Variants in AKR1C8 observed in about 807,000 individuals in gnomAD.
AKR1C8 encodes the protein aldo-keto reductase family 1 member C8.
the AKR1C8 span, among the ~76,000 whole-genome samples, chr10:5,133,048 CAAG>C: frequency 1.3e-5 from 2 of 152,074 alleles, no homozygotes; most frequent in African/African-American, 4.8e-5. Flanking sequence ...GACAAATTAA[CAAG>C]ACTCAAATTA....
chr10:5,166,626 C>A, the AKR1C8 span, among the ~76,000 whole-genome samples: 1 of 152,116 alleles, frequency 6.6e-6, no homozygotes, highest in African/African-American at 2.4e-5. Context: ...ACACCTTATA[C>A]AAAAATTAAT....
the AKR1C8 span, among the ~76,000 whole-genome samples, chr10:5,156,268 C>T: frequency 6.6e-6 from 1 of 152,054 alleles, no homozygotes; most frequent in Non-Finnish European, 1.5e-5. Flanking sequence ...CTCAGGACCC[C>T]TAAATACTAT....
the AKR1C8 span, among the ~76,000 whole-genome samples, chr10:5,178,368 T>C: frequency 6.6e-6 from 1 of 152,230 alleles, no homozygotes. Context: ...TTTCTGTTCT[T>C]TTACATTTGC....
chr10:5,145,963 G>C, the AKR1C8 span, among the ~76,000 whole-genome samples: 1 of 151,912 alleles, frequency 6.6e-6, no homozygotes, highest in Admixed American at 6.6e-5. Flanking sequence ...GTCCAACAAT[G>C]ATAGACTGGA....
At chr10:5,155,907 C>T in the AKR1C8 span, 427 of 348,006 alleles carry the variant, frequency 1.2e-3, 2 homozygotes, top group South Asian at 4.3e-3. Context: ...TGGCTTGAGA[C>T]GTCTTCCACC....
At chr10:5,159,505 A>T in the AKR1C8 span, among the ~76,000 whole-genome samples, 28 of 151,920 alleles carry the variant, frequency 1.8e-4, no homozygotes, top group African/African-American at 6.8e-4. Context: ...TCTCCTGTGG[A>T]TCTTCCTACC....
chr10:5,180,481 T>C, the AKR1C8 span, among the ~76,000 whole-genome samples: 2 of 150,382 alleles, frequency 1.3e-5, 1 homozygote, highest in South Asian at 4.1e-4. Context: ...AGCTGCATGC[T>C]GGGAGAACCA....
At chr10:5,163,778 C>T in the AKR1C8 span, among the ~76,000 whole-genome samples, 1 of 152,146 alleles carries the variant, frequency 6.6e-6, no homozygotes. Flanking sequence ...ACACATTTGT[C>T]CTTTATGCCT....
chr10:5,167,644 G>A, the AKR1C8 span, among the ~76,000 whole-genome samples: 1 of 152,156 alleles, frequency 6.6e-6, no homozygotes, highest in Non-Finnish European at 1.5e-5. Flanking sequence ...TGAGGGGAGT[G>A]GGGAGGGATA....
chr10:5,175,239 C>A, the AKR1C8 span, among the ~76,000 whole-genome samples: 2 of 149,942 alleles, frequency 1.3e-5, no homozygotes, highest in African/African-American at 4.9e-5. Context: ...GGTTTTTTGT[C>A]CTTGCGATAG....
the AKR1C8 span, among the ~76,000 whole-genome samples, chr10:5,125,751 T>C: frequency 1.3e-5 from 2 of 152,202 alleles, no homozygotes; most frequent in African/African-American, 4.8e-5. Context: ...ACAGAGTCTA[T>C]GTCACTTCCT....
chr10:5,146,374 A>G, the AKR1C8 span, among the ~76,000 whole-genome samples: 3 of 152,176 alleles, frequency 2.0e-5, no homozygotes, highest in Admixed American at 6.5e-5. Context: ...AAATTATTCA[A>G]TAAAATAATG....
At chr10:5,180,892 C>T in the AKR1C8 span, among the ~76,000 whole-genome samples, 2 of 152,206 alleles carry the variant, frequency 1.3e-5, no homozygotes, top group African/African-American at 4.8e-5. Context: ...CGTCTGTCAC[C>T]CTTTTCTTTG....
At chr10:5,167,420 G>A in the AKR1C8 span, among the ~76,000 whole-genome samples, 3 of 152,328 alleles carry the variant, frequency 2.0e-5, no homozygotes, top group African/African-American at 7.2e-5. Flanking sequence ...TTAAGAAAAT[G>A]CGGCACCTAT....
chr10:5,154,321 C>A, the AKR1C8 span: 1 of 336,344 alleles, frequency 3.0e-6, no homozygotes, highest in Non-Finnish European at 6.3e-6. Context: ...ATGGTTTAAT[C>A]TATGGAGGGG....
the AKR1C8 span, among the ~76,000 whole-genome samples, chr10:5,150,437 C>T: frequency 2.0e-5 from 3 of 151,750 alleles, no homozygotes; most frequent in African/African-American, 7.3e-5. Context: ...TTATAGAAAT[C>T]TCATATAATT....
At chr10:5,130,462 A>C in the AKR1C8 span, among the ~76,000 whole-genome samples, 11,775 of 151,964 alleles carry the variant, frequency 0.077, 530 homozygotes, top group African/African-American at 0.11. Flanking sequence ...AGGGCATTGA[A>C]ATTTGAATAG....
chr10:5,150,804 C>A, the AKR1C8 span, among the ~76,000 whole-genome samples: 1 of 152,136 alleles, frequency 6.6e-6, no homozygotes, highest in African/African-American at 2.4e-5. Context: ...AGAAATAAGA[C>A]CTAATCAAGA....
At chr10:5,174,118 A>G in the AKR1C8 span, among the ~76,000 whole-genome samples, 1 of 152,000 alleles carries the variant, frequency 6.6e-6, no homozygotes, top group Non-Finnish European at 1.5e-5. Context: ...ATACCTATTT[A>G]TTAGGCCCTA....
Sources: allele counts gnomAD v4.1 joint callset (sites outside exome capture counted in the v4.1 genomes callset), GRCh38; gene constraint gnomAD v4.1.1; transcripts MANE v1.5; gene names NCBI Gene and HGNC (gene_info 2026-07-23, HGNC 2026-07-21).